PCDHGB5: variants seen among roughly 807,000 people sequenced by gnomAD.
The protein encoded by PCDHGB5 is protocadherin gamma-B5.
A neutral mutation model predicts 62.9 loss-of-function variants in PCDHGB5; 48 were observed. The observed-to-expected ratio is 0.76, with a 90% CI of 0.61 to 0.97. The LOEUF (loss-of-function observed/expected upper bound fraction) is 0.97, where lower values mean the gene tolerates loss of function less well. PCDHGB5 is among the 50% of genes least tolerant of loss of function. The probability of loss-of-function intolerance (pLI) is 0.00; values close to 1 mark genes in which losing one functional copy is unlikely to be tolerated. For missense variants in PCDHGB5, 1,118 were observed against 1,198.6 expected (o/e 0.93, Z 0.99); for synonymous variants, 474 against 511.2 (o/e 0.93, Z 0.98).
intron 1 of PCDHGB5, among the ~76,000 whole-genome samples, chr5:141,470,814 A>T (rs1170059292): frequency 2.6e-5 from 4 of 152,006 alleles, no homozygotes; most frequent in Admixed American, 6.5e-5. Context: ...CAGCCTTCTG[A>T]GTAGTTAGGA....
chr5:141,431,460 A>C lies in PCDHGB5; in HGVS notation c.2397+30936A>C, dbSNP rs761879594. On this transcript the variant is annotated intron_variant, in intron 1 of 3. Coordinates refer to ENST00000617380, the MANE Select transcript of PCDHGB5 (RefSeq NM_018925.3). This position sits in a 1 kb window ranked among gnomAD's most constrained non-coding sequence, Gnocchi z 4.8. ...GCGCGCATCCGCGTGATGGTTCTGGATGCGAACGACAACGCACCAGCGTTT... is the reference window on the plus strand; with the variant it reads ...GCGCGCATCCGCGTGATGGTTCTGGCTGCGAACGACAACGCACCAGCGTTT... 8.1e-6 allele frequency: 13 copies of C among 1,613,676 alleles called. No individual in the cohort carries two copies. The highest frequency in any genetic ancestry group is 1.1e-5 in the Non-Finnish European group (13 of 1,179,984).
Position 141,431,473 on chromosome 5 carries a change from C to A in PCDHGB5, c.2397+30949C>A, listed in dbSNP as rs750300971. 16 of 1,613,714 alleles carry A rather than the reference C, an allele frequency of 9.9e-6. 1 individual carries two copies. The highest frequency in any genetic ancestry group is 9.3e-5 in the African/African-American group (7 of 74,948). On this transcript the variant is annotated intron_variant, in intron 1 of 3. Transcript: ENST00000617380. This position sits in a 1 kb window ranked among gnomAD's most constrained non-coding sequence, Gnocchi z 4.8. Reference sequence around the variant, plus strand: ...TGATGGTTCTGGATGCGAACGACAACGCACCAGCGTTTGCTCAGCCCGAGT... The same window carrying A: ...TGATGGTTCTGGATGCGAACGACAAAGCACCAGCGTTTGCTCAGCCCGAGT...
At position 141,476,980 on chromosome 5, in the gene PCDHGB5, C is replaced by T; in HGVS notation, c.2398-17827C>T. 6.2e-7 allele frequency: 1 copy of T among 1,614,232 alleles called. No individual in the cohort carries two copies. Among genetic ancestry groups the T allele is most frequent in the Non-Finnish European group, 8.5e-7 (1 of 1,180,044 alleles). On this transcript the variant is annotated intron_variant, in intron 1 of 3. Coordinates refer to ENST00000617380, the MANE Select transcript of PCDHGB5 (RefSeq NM_018925.3). This position sits in a 1 kb window ranked among gnomAD's most constrained non-coding sequence, Gnocchi z 7.6. Reference sequence around the variant, plus strand: ...TTTACTCCTTCGGCAGCCACAACCGCGCCGGCGTGCGGCAACTATTCGCCT... The same window carrying T: ...TTTACTCCTTCGGCAGCCACAACCGTGCCGGCGTGCGGCAACTATTCGCCT...
chr5:141,484,897 A>G (rs2099602925), intron 1 of PCDHGB5: 2 of 392,698 alleles, frequency 5.1e-6, no homozygotes, highest in Middle Eastern at 7.1e-4. Flanking sequence ...TTTCCCCTCC[A>G]ATGCTGCGAC....
chr5:141,438,681 G>T (rs2098050580), intron 1 of PCDHGB5, among the ~76,000 whole-genome samples: 1 of 142,154 alleles, frequency 7.0e-6, no homozygotes, highest in South Asian at 2.3e-4. Context: ...TGGAGTAGGG[G>T]ATGGAGTCTT....
rs779535322 is a variant in PCDHGB5 at position 141,398,516 on chromosome 5, C to A, written c.389C>A (p.Thr130Lys). The part of the protein sequence containing the change: ...NVEIEDINDH[T>K]PKFTQNSFEL... ...GAGATCGAGGACATTAATGACCACACGCCAAAATTCACGCAAAATTCCTTT... is the reference window on the plus strand; with the variant it reads ...GAGATCGAGGACATTAATGACCACAAGCCAAAATTCACGCAAAATTCCTTT... The change falls in exon 1 of 4, where the codon ACG becomes AAG. Residue 130 changes from threonine (T) to lysine (K), a missense_variant. Coordinates refer to ENST00000617380, the MANE Select transcript of PCDHGB5 (RefSeq NM_018925.3). The A allele has an allele frequency of 1.9e-6, 3 of 1,598,584 alleles. No individual in the cohort carries two copies. The South Asian group carries it at 3.3e-5, about 18-fold the overall frequency.
In PCDHGB5 at chr5:141,485,507, G is replaced by A. The variant is rs766643911; in HGVS notation, c.2398-9300G>A. 6.8e-6 allele frequency: 11 copies of A among 1,614,174 alleles called. No homozygotes were observed. Among genetic ancestry groups the A allele is most frequent in the Non-Finnish European group, 8.5e-6 (10 of 1,180,036 alleles). ...CGTGCCCCTGGAGTTTGTCACCGAA[G>A]GTCCTTTGGAAATGTACCGAGCAGA... On this transcript the variant is annotated intron_variant, in intron 1 of 3. Transcript: ENST00000617380. The surrounding 1 kb of genome is among the most constrained non-coding windows in gnomAD (Gnocchi z 5.7).
Position 141,424,000 on chromosome 5 carries a change from A to G in PCDHGB5, c.2397+23476A>G, listed in dbSNP as rs2096794510. On this transcript the variant is annotated intron_variant, in intron 1 of 3. Coordinates refer to ENST00000617380, the MANE Select transcript of PCDHGB5 (RefSeq NM_018925.3). ...ATGAGGCTCTCAATTTATTATATAT[A>G]GATACAAATTAATGATTCACAAACA... 5 of 1,076,368 alleles carry G rather than the reference A, an allele frequency of 4.6e-6. No homozygotes were observed. In the South Asian group the frequency reaches 1.4e-4, roughly 30 times the overall value. 66.7% of individuals were successfully genotyped at this position (1,076,368 alleles called of 1,614,324 possible).
rs773899530 is a variant in PCDHGB5 at position 141,494,864 on chromosome 5, G to A, written c.2455G>A (p.Gly819Ser). 1.6e-5 allele frequency: 26 copies of A among 1,613,950 alleles called. No individual in the cohort carries two copies. The Admixed American group carries it at 3.5e-4, about 22-fold the overall frequency. Reference protein sequence around the residue: ...FSQAQRPGTSGSQNGDDTGTW... With the variant: ...FSQAQRPGTSSSQNGDDTGTW... ...TCAGGCCCAGAGACCCGGCACCAGC[G>A]GGTAGGTGACTGATTCTCCAGCCCA... Residue 819 changes from glycine to serine, a missense_variant and splice_region_variant, in exon 2 of 4, where the codon GGC (glycine) becomes AGC (serine). Gly to Ser is a moderately conservative substitution (Grantham distance 56, BLOSUM62 0). Coordinates refer to ENST00000617380, the MANE Select transcript of PCDHGB5 (RefSeq NM_018925.3).
rs753473913 is a variant in PCDHGB5 at position 141,503,323 on chromosome 5, G to A, written c.2457-2070G>A. On this transcript the variant is annotated intron_variant, in intron 2 of 3. Transcript: ENST00000617380. The stretch of plus-strand genomic sequence containing the variant: ...CTCAAGAAAGAATTGTTGGAGGGGC[G>A]CGGTGGCTCACGCCTGTAATTCCAG... Among the ~76,000 whole-genome samples the A allele has an allele frequency of 2.0e-5, 3 of 152,214 alleles. No individual in the cohort carries two copies. In the Middle Eastern group the frequency reaches 0.01, roughly 518 times the overall value.
intron 1 of PCDHGB5, among the ~76,000 whole-genome samples, chr5:141,434,452 G>T (rs2097695209): frequency 6.6e-6 from 1 of 152,334 alleles, no homozygotes; most frequent in African/African-American, 2.4e-5. Flanking sequence ...CTGGAAGGTA[G>T]TGGGTTTACC....
At position 141,490,954 on chromosome 5, in the gene PCDHGB5, G is replaced by A. The variant is rs749646808; in HGVS notation, c.2398-3853G>A. On this transcript the variant is annotated intron_variant, in intron 1 of 3. Coordinates refer to ENST00000617380, the MANE Select transcript of PCDHGB5 (RefSeq NM_018925.3). This position sits in a 1 kb window ranked among gnomAD's most constrained non-coding sequence, Gnocchi z 5.4. ...TGTGCTGCACCCACGGCCAGACTGGGAACACTCAGCCCCCCAGCGTCTCCC... is the reference window on the plus strand; with the variant it reads ...TGTGCTGCACCCACGGCCAGACTGGAAACACTCAGCCCCCCAGCGTCTCCC... 9 of 1,613,662 alleles carry A rather than the reference G, an allele frequency of 5.6e-6. No individual in the cohort carries two copies. The African/African-American group carries it at 8.0e-5, about 14-fold the overall frequency.
chr5:141,454,385 T>C (rs1168439343), intron 1 of PCDHGB5, among the ~76,000 whole-genome samples: 5 of 152,194 alleles, frequency 3.3e-5, no homozygotes, highest in Non-Finnish European at 7.4e-5. Flanking sequence ...CTTGTCAAGA[T>C]GAAGAAAAGG....
chr5:141,422,276 T>G, intron 1 of PCDHGB5: 3 of 1,558,820 alleles, frequency 1.9e-6, no homozygotes, highest in South Asian at 1.3e-5. Context: ...GAAATAACTA[T>G]CACCTCTTCT....
chr5:141,497,736 G>A (rs1437670417), intron 2 of PCDHGB5, among the ~76,000 whole-genome samples: 6 of 151,962 alleles, frequency 3.9e-5, no homozygotes, highest in Admixed American at 1.3e-4. Flanking sequence ...GATGGGTTTC[G>A]CCACGTTGGC....
chr5:141,422,298 T>G, intron 1 of PCDHGB5: 1 of 1,549,054 alleles, frequency 6.5e-7, no homozygotes, highest in Non-Finnish European at 8.7e-7. Flanking sequence ...TTAATTCAAT[T>G]CTGGAAAACT....
At chr5:141,418,045 G>A (rs754041387) in intron 1 of PCDHGB5, 2 of 1,614,002 alleles carry the variant, frequency 1.2e-6, no homozygotes, top group East Asian at 2.2e-5. Flanking sequence ...TGGATGTGTC[G>A]GCTCGCGAGC....
chr5:141,409,872 A>G (rs1283725014), intron 1 of PCDHGB5: 1 of 1,612,710 alleles, frequency 6.2e-7, no homozygotes, highest in Non-Finnish European at 8.5e-7. Flanking sequence ...GACCGCAATG[A>G]CAACGCACCG....
rs2099388776 is a variant in PCDHGB5, at chr5:141,476,308, C to T, written c.2398-18499C>T. On this transcript the variant is annotated intron_variant, in intron 1 of 3. Coordinates refer to ENST00000617380, the MANE Select transcript of PCDHGB5 (RefSeq NM_018925.3). The surrounding 1 kb of genome is among the most constrained non-coding windows in gnomAD (Gnocchi z 7.6). ...TGGATCTCGGTAGCCTCTCAGCCCG[C>T]AGGTTCCGGGTGGTGTCTGGAGCTA... The T allele has an allele frequency of 1.2e-6, 2 of 1,613,750 alleles. No individual in the cohort carries two copies. The highest frequency in any genetic ancestry group is 2.7e-5 in the African/African-American group (2 of 74,806).
Sources: gnomAD v4.1 joint callset for allele counts (sites outside exome capture counted in the v4.1 genomes callset) on GRCh38, gnomAD v4.1.1 for gene constraint, Gnocchi (gnomAD v3.1) non-coding constraint, MANE v1.5 for transcripts, NCBI Gene and HGNC (gene_info 2026-07-23, HGNC 2026-07-21) for gene names.